XDH: variants seen among roughly 807,000 people sequenced by gnomAD.
XDH encodes xanthine dehydrogenase.
XDH carries 138 observed loss-of-function variants against 156.1 expected under a neutral mutation model. The ratio of observed to expected loss-of-function variants is 0.88; its 90% CI spans 0.77 to 1.02. XDH has a LOEUF of 1.02. Ranked by LOEUF, XDH falls within the 50% of genes least tolerant of loss-of-function variation. The probability of loss-of-function intolerance (pLI) is 0.00; values close to 1 mark genes in which losing one functional copy is unlikely to be tolerated. For missense variants in XDH, 1,849 were observed against 1,684.9 expected (o/e 1.10, Z -1.71); for synonymous variants, 669 against 625.7 (o/e 1.07, Z -1.03).
chr2:31,349,110 C>T, intron 26 of XDH, 130 bp from the exon 27 acceptor site: 1 of 826,816 alleles, frequency 1.2e-6, no homozygotes, highest in Non-Finnish European at 2.0e-6. Context: ...AGCTGGTGCA[C>T]AGCCCACACC....
chr2:31,373,398 G>T (rs1686131484), intron 16 of XDH, among the ~76,000 whole-genome samples: 1 of 152,158 alleles, frequency 6.6e-6, no homozygotes, highest in South Asian at 2.1e-4. Flanking sequence ...TTTTCCTGTG[G>T]CTGCTTTTGT....
chr2:31,371,072 A>G (rs1300423558), intron 17 of XDH, among the ~76,000 whole-genome samples: 1 of 152,174 alleles, frequency 6.6e-6, no homozygotes, highest in Non-Finnish European at 1.5e-5. Context: ...GTCTCCCCAC[A>G]TTCATTGTGC....
At position 31,387,840 on chromosome 2, in the gene XDH, G is replaced by T; in HGVS notation, c.622C>A (p.Gln208Lys). 6.3e-7 allele frequency: 1 copy of T among 1,587,926 alleles called. No homozygotes were observed. Among genetic ancestry groups the T allele is most frequent in the African/African-American group, 1.3e-5 (1 of 74,818 alleles). Reference sequence around the variant, plus strand: ...AACTCTGGGGGAAAAATGGGCTCCTGGGTTGGATCCAGGGGCGTGAACTCC... The same window carrying T: ...AACTCTGGGGGAAAAATGGGCTCCTTGGTTGGATCCAGGGGCGTGAACTCC... ...PEEFTPLDPT[Q>K]EPIFPPELLR... The change falls in exon 8 of 36, where the codon CAG becomes AAG. Residue 208 changes from glutamine (Q) to lysine (K), a missense_variant. Coordinates refer to ENST00000379416, the MANE Select transcript of XDH (RefSeq NM_000379.4).
intron 1 of XDH, among the ~76,000 whole-genome samples, chr2:31,413,079 G>C (rs568577807): frequency 6.6e-6 from 1 of 152,202 alleles, no homozygotes; most frequent in South Asian, 2.1e-4. Context: ...AGCCATCCCT[G>C]AAGAAGAGCA....
chr2:31,343,819 C>CATAT (rs56050920), intron 31 of XDH, among the ~76,000 whole-genome samples: 63,726 of 149,130 alleles, frequency 0.43, 15,580 homozygotes, highest in East Asian at 0.62. Context: ...ATATGCCTAA[C>CATAT]ATATATATGT....
intron 10 of XDH, 105 bp from the exon 11 acceptor site, chr2:31,383,257 CA>C: frequency 6.5e-7 from 1 of 1,548,206 alleles, no homozygotes; most frequent in South Asian, 1.2e-5. Context: ...AAGGCTGAAT[CA>C]GGACTCACAG....
chr2:31,338,967 C>T (rs1032857834), intron 34 of XDH, among the ~76,000 whole-genome samples: 2 of 151,892 alleles, frequency 1.3e-5, no homozygotes, highest in Non-Finnish European at 1.5e-5. Context: ...TCAGGCAATC[C>T]ACCCACCTAG....
rs942539158 is a variant in XDH at position 31,368,566 on chromosome 2, T to A, written c.2075A>T (p.Glu692Val). Reference protein sequence around the residue: ...AAQGVKITYEELPAIITIEDA... With the variant: ...AAQGVKITYEVLPAIITIEDA... ...CTCAATTGTGATAATGGCTGGTAGT[T>A]CTTCATAGGTGATTTTCACCCCTTG... The change falls in exon 19 of 36, where the codon GAA becomes GTA. Residue 692 changes from glutamate to valine, a missense_variant. Coordinates refer to ENST00000379416, the MANE Select transcript of XDH (RefSeq NM_000379.4). The A allele has an allele frequency of 4.3e-6, 7 of 1,614,048 alleles. No homozygotes were observed. In the African/African-American group the frequency reaches 6.7e-5, roughly 15 times the overall value.
rs1323867247 is a variant in XDH at position 31,372,316 on chromosome 2, C to T, written c.1768G>A (p.Glu590Lys). Reference protein sequence around the residue: ...HLAADMQASGEAVYCDDIPRY... With the variant: ...HLAADMQASGKAVYCDDIPRY... ...GGAATGTCGTCACAGTACACGGCCTCACCAGAGGCCTGCATGTCCGCTGCC... is the reference window on the plus strand; with the variant it reads ...GGAATGTCGTCACAGTACACGGCCTTACCAGAGGCCTGCATGTCCGCTGCC... Residue 590 changes from glutamate to lysine, a missense_variant, in exon 17 of 36, where the codon GAG (glutamate) becomes AAG (lysine). By Grantham distance (56) the Glu-to-Lys change is moderately conservative. Transcript: ENST00000379416. 6.2e-6 allele frequency: 10 copies of T among 1,614,208 alleles called. No homozygotes were observed. The South Asian group carries it at 9.9e-5, about 16-fold the overall frequency.
chr2:31,364,173 C>T lies in XDH; in HGVS notation c.2616G>A (p.Gln872=), dbSNP rs765020476. Residue 872 remains glutamine (Q), a synonymous_variant, in exon 24 of 36, where the codon CAG becomes CAA. Transcript: ENST00000379416. ...TCCTACTCACACTCTGAGAGAGATC[C>T]TGGGTGTTCCCCACATTGCTGAAGT... The part of the protein sequence containing the change: ...VDHFSNVGNT[Q]DLSQSIMERA... 1.2e-6 allele frequency: 2 copies of T among 1,614,072 alleles called. No individual in the cohort carries two copies. The highest frequency in any genetic ancestry group is 1.1e-5 in the South Asian group (1 of 91,078).
intron 24 of XDH, among the ~76,000 whole-genome samples, chr2:31,357,431 A>G (rs1019508373): frequency 6.6e-6 from 1 of 152,188 alleles, no homozygotes; most frequent in Non-Finnish European, 1.5e-5. Context: ...GAAGACATCA[A>G]AAGAGAAATA....
chr2:31,344,380 G>A (rs1207429794), intron 31 of XDH, among the ~76,000 whole-genome samples: 1 of 152,146 alleles, frequency 6.6e-6, no homozygotes, highest in African/African-American at 2.4e-5. Flanking sequence ...CGTCACCCAT[G>A]AGGAAACAGG....
rs1439910070 is a variant in XDH, at chr2:31,337,750, G to T, written c.3842C>A (p.Ala1281Glu). Residue 1281 changes from alanine to glutamate, a missense_variant, in exon 35 of 36, where the codon GCA (alanine) becomes GAA (glutamate). Ala to Glu is a moderately radical substitution (Grantham distance 107). Coordinates refer to ENST00000379416, the MANE Select transcript of XDH (RefSeq NM_000379.4). Reference sequence around the variant, plus strand: ...ATTACCTGTGTGCTGAGCTCGAGCTGCACGGATGGCATCTTTGATGGCAAA... The same window carrying T: ...ATTACCTGTGTGCTGAGCTCGAGCTTCACGGATGGCATCTTTGATGGCAAA... ...IFFAIKDAIR[A>E]ARAQHTGNNV... 17 of 1,614,254 alleles carry T rather than the reference G, an allele frequency of 1.1e-5. No individual in the cohort carries two copies. The East Asian group carries it at 3.6e-4, about 34-fold the overall frequency.
At chr2:31,391,022 C>A (rs1686746821) in intron 6 of XDH, among the ~76,000 whole-genome samples, 1 of 152,076 alleles carries the variant, frequency 6.6e-6, no homozygotes, top group Non-Finnish European at 1.5e-5. Flanking sequence ...TGGATCATGC[C>A]TTTGGTGTTG....
intron 27 of XDH, 145 bp from the exon 28 acceptor site, chr2:31,348,508 C>A: frequency 2.7e-6 from 2 of 747,718 alleles, no homozygotes; most frequent in South Asian, 1.5e-5. Context: ...CAGTATGAAT[C>A]TCATGATTTA....
chr2:31,384,047 C>A, intron 9 of XDH, 200 bp from the exon 10 acceptor site: 1 of 596,792 alleles, frequency 1.7e-6, no homozygotes. Flanking sequence ...GACTGTCAGC[C>A]CAAAACTAGG....
At chr2:31,413,168 C>T (rs912765458) in intron 1 of XDH, among the ~76,000 whole-genome samples, 1 of 152,126 alleles carries the variant, frequency 6.6e-6, no homozygotes, top group Non-Finnish European at 1.5e-5. Flanking sequence ...TGACCTTGGA[C>T]GTCATTGAAT....
At chr2:31,367,895 T>A in intron 20 of XDH, 66 bp downstream of exon 20, 4 of 1,458,656 alleles carry the variant, frequency 2.7e-6, no homozygotes, top group Non-Finnish European at 3.9e-6. Flanking sequence ...GTTCAATGCA[T>A]ATCTCTTGAA....
chr2:31,341,547 T>C (rs1035035814), intron 32 of XDH, among the ~76,000 whole-genome samples, 153 bp from the exon 33 acceptor site: 8 of 152,156 alleles, frequency 5.3e-5, no homozygotes, highest in African/African-American at 9.7e-5. Flanking sequence ...GAAGTGTTGA[T>C]GTTCCCACCA....
Sources: allele counts gnomAD v4.1 joint callset (sites outside exome capture counted in the v4.1 genomes callset), GRCh38; gene constraint gnomAD v4.1.1; transcripts MANE v1.5; gene names NCBI Gene and HGNC (gene_info 2026-07-23, HGNC 2026-07-21).